The following LYG1 variants were observed in gnomAD, a reference collection of about 807,000 sequenced individuals.
LYG1 encodes the protein lysozyme g-like protein 1.
LYG1 carries 17 observed loss-of-function variants against 21.7 expected under a neutral mutation model. That is an observed-to-expected ratio of 0.78 (90% CI 0.54 to 1.18). LYG1 has a LOEUF of 1.18. LYG1 is among the 50% of genes most tolerant of loss of function. LYG1 has a pLI of 0.00. For missense variants in LYG1, 211 were observed against 238.1 expected (o/e 0.89, Z 0.75); for synonymous variants, 81 against 87.4 (o/e 0.93, Z 0.41).
intron 3 of LYG1, among the ~76,000 whole-genome samples, chr2:99,293,595 C>G (rs1198423765): frequency 2.0e-5 from 3 of 152,332 alleles, no homozygotes; most frequent in Non-Finnish European, 2.9e-5. Context: ...ATCTCTTTCT[C>G]CTTTCCATCT....
At chr2:99,299,236 TTTTC>T (rs753690062) in intron 1 of LYG1, among the ~76,000 whole-genome samples, 2 of 151,074 alleles carry the variant, frequency 1.3e-5, no homozygotes, top group Non-Finnish European at 3.0e-5. Context: ...CCCTGGGTTT[TTTTC>T]TTTTTCTTTT....
In LYG1 at chr2:99,292,553, T is replaced by G; in HGVS notation, c.131A>C (p.His44Pro). The G allele has an allele frequency of 6.2e-7, 1 of 1,613,960 alleles. No individual in the cohort carries two copies. The highest frequency in any genetic ancestry group is 8.5e-7 in the Non-Finnish European group (1 of 1,179,824). The change falls in exon 4 of 7, where the codon CAC becomes CCC. Residue 44 changes from histidine to proline, a missense_variant. Physicochemically the swap from His to Pro is moderately conservative, Grantham distance 77. Transcript: ENST00000308528. ...PGASCGIGRR[H>P]GLNYCGVRAS... ...ATAGCTACCACAGTAGTTCAGGCCG[T>G]GACGTCTTCCAATCCCACAAGATGC... is the stretch of plus-strand genomic sequence containing the variant.
chr2:99,291,726 C>T (rs535872636), intron 4 of LYG1, among the ~76,000 whole-genome samples: 8 of 152,268 alleles, frequency 5.3e-5, no homozygotes, highest in South Asian at 2.1e-4. Context: ...AACCATTGGT[C>T]CCATTCTAAG....
intron 2 of LYG1, among the ~76,000 whole-genome samples, chr2:99,298,133 T>A (rs1277721307): frequency 1.3e-5 from 2 of 152,224 alleles, no homozygotes; most frequent in African/African-American, 4.8e-5. Context: ...TTAGAAGAGA[T>A]TGTTGAGACA....
Position 99,295,768 on chromosome 2 carries a change from T to TGG in LYG1, c.-32-67_-32-66insCC, listed in dbSNP as rs1472248760. 5 of 1,459,018 alleles carry TGG rather than the reference T, an allele frequency of 3.4e-6. No homozygotes were observed. The African/African-American group carries it at 7.0e-5, about 20-fold the overall frequency. The allele number at this position is 1,459,018 out of a possible 1,614,324, so 90.4% of individuals were successfully genotyped here. A position where few individuals can be genotyped will look rare whatever the true frequency, so the allele number is the denominator to read the frequency against. On this transcript the variant is annotated intron_variant, in intron 2 of 6. Coordinates refer to ENST00000308528, the MANE Select transcript of LYG1 (RefSeq NM_174898.3). ...GTCATCATCATAACCACATGTAATATTTCCACAGAAGCAGGGGTGAAAAGA... is the reference window on the plus strand; with the variant it reads ...GTCATCATCATAACCACATGTAATATGGTTCCACAGAAGCAGGGGTGAAAAGA...
chr2:99,284,805 C>G lies in LYG1; in HGVS notation c.349G>C (p.Ala117Pro). 6.2e-7 allele frequency: 1 copy of G among 1,613,016 alleles called. No homozygotes were observed. The highest frequency in any genetic ancestry group is 1.1e-5 in the South Asian group (1 of 91,034). ...TSMVQDPGSQ[A>P]PTSWISESQV... ...GACTCACTAATCCAGGATGTGGGAGCTTGAGAGCCAGGGTCCTGCAGGGAA... is the reference window on the plus strand; with the variant it reads ...GACTCACTAATCCAGGATGTGGGAGGTTGAGAGCCAGGGTCCTGCAGGGAA... Residue 117 changes from alanine (A) to proline (P), a missense_variant, in exon 6 of 7, where the codon GCT (alanine) becomes CCT (proline). Ala to Pro is a conservative substitution (Grantham distance 27). Transcript: ENST00000308528.
intron 3 of LYG1, among the ~76,000 whole-genome samples, chr2:99,293,211 C>G (rs1036451380): frequency 6.6e-5 from 10 of 152,108 alleles, no homozygotes; most frequent in African/African-American, 2.4e-4. Context: ...AGGCTGGTCT[C>G]GAACTCTTGA....
intron 5 of LYG1, among the ~76,000 whole-genome samples, chr2:99,290,902 G>A (rs1216599797): frequency 1.3e-5 from 2 of 152,190 alleles, no homozygotes; most frequent in Non-Finnish European, 2.9e-5. Context: ...GGCCCAGTGA[G>A]ATTAAATGAC....
intron 5 of LYG1, among the ~76,000 whole-genome samples, chr2:99,287,940 C>G (rs2105290587): frequency 6.6e-6 from 1 of 152,146 alleles, no homozygotes; most frequent in Middle Eastern, 3.4e-3. Context: ...CTCTCCTGCT[C>G]TCCCTCCCTC....
At chr2:99,294,360 C>T (rs2094130026) in intron 3 of LYG1, among the ~76,000 whole-genome samples, 1 of 152,154 alleles carries the variant, frequency 6.6e-6, no homozygotes, top group Admixed American at 6.5e-5. Flanking sequence ...TCAGGTTCTA[C>T]TTTCTTAGAA....
chr2:99,292,985 CTTT>C (rs70940159), intron 3 of LYG1, among the ~76,000 whole-genome samples: 18 of 83,162 alleles, frequency 2.2e-4, no homozygotes, highest in African/African-American at 5.4e-4. Context: ...CCTCATCTTA[CTTT>C]TTTTTTTTTT....
At chr2:99,297,366 T>G (rs1011712368) in intron 2 of LYG1, among the ~76,000 whole-genome samples, 5 of 152,210 alleles carry the variant, frequency 3.3e-5, no homozygotes, top group Non-Finnish European at 1.5e-5. Flanking sequence ...CTCATGAAAG[T>G]GCATCACTGG....
At chr2:99,285,504 G>GA (rs954737326) in intron 5 of LYG1, among the ~76,000 whole-genome samples, 1 of 151,944 alleles carries the variant, frequency 6.6e-6, no homozygotes, top group African/African-American at 2.4e-5. Flanking sequence ...TTGTAAGAGT[G>GA]AAAAAAAAGC....
At chr2:99,287,789 GTAT>G (rs1332715604) in intron 5 of LYG1, among the ~76,000 whole-genome samples, 1 of 151,924 alleles carries the variant, frequency 6.6e-6, no homozygotes, top group Non-Finnish European at 1.5e-5. Context: ...TAGCATAATT[GTAT>G]TATTGTGATA....
At chr2:99,286,870 T>A (rs1267948338) in intron 5 of LYG1, among the ~76,000 whole-genome samples, 1 of 152,200 alleles carries the variant, frequency 6.6e-6, no homozygotes, top group African/African-American at 2.4e-5. Flanking sequence ...AACCTAAATG[T>A]ACCTGACAGA....
At chr2:99,304,141 G>T (rs901434129), upstream of LYG1, among the ~76,000 whole-genome samples, 1 of 151,762 alleles carries the variant, frequency 6.6e-6, no homozygotes, top group African/African-American at 2.4e-5. Context: ...ATATGATTTG[G>T]CTCTGTCCCC....
chr2:99,285,180 G>A (rs987582192), intron 5 of LYG1, among the ~76,000 whole-genome samples: 2 of 152,042 alleles, frequency 1.3e-5, no homozygotes, highest in Non-Finnish European at 2.9e-5. Flanking sequence ...TCAGCAACAT[G>A]GGAAAACTTC....
chr2:99,296,069 A>G (rs1207462367), intron 2 of LYG1, among the ~76,000 whole-genome samples: 13 of 151,780 alleles, frequency 8.6e-5, no homozygotes, highest in African/African-American at 3.1e-4. Context: ...TCATCCCAAG[A>G]GCCTTTTTAT....
rs2094118024 is a variant in LYG1, at chr2:99,291,420, TC to T, written c.149del (p.Gly50GlufsTer11). 6.2e-7 allele frequency: 1 copy of T among 1,613,816 alleles called. No individual in the cohort carries two copies. The highest frequency in any genetic ancestry group is 1.3e-5 in the African/African-American group (1 of 74,910). ...IGRRHGLNYC[G>X]VRASERLAEI... The stretch of plus-strand genomic sequence containing the variant: ...CAGCCAGCCTTTCAGAAGCACGAAC[TC>T]CTAAACCAAACGCAAAAGGAATGAT... On this transcript the variant is annotated frameshift_variant and splice_region_variant, in exon 5 of 7. Coordinates refer to ENST00000308528, the MANE Select transcript of LYG1 (RefSeq NM_174898.3). LOFTEE classifies it high-confidence loss of function.
Sources: gnomAD v4.1 joint callset for allele counts (sites outside exome capture counted in the v4.1 genomes callset) on GRCh38, gnomAD v4.1.1 for gene constraint, MANE v1.5 for transcripts, NCBI Gene and HGNC (gene_info 2026-07-23, HGNC 2026-07-21) for gene names.